JAK1: variants seen among roughly 807,000 people sequenced by gnomAD.
JAK1 encodes tyrosine-protein kinase JAK1.
JAK1 carries 16 observed loss-of-function variants against 136.6 expected under a neutral mutation model. That is an observed-to-expected ratio of 0.12 (90% CI 0.08 to 0.18). The LOEUF (loss-of-function observed/expected upper bound fraction) is 0.18. Among genes scored for constraint, JAK1 ranks in the 10% least tolerant of loss-of-function variants. The pLI is 1.00. For synonymous variants in JAK1, 492 were observed against 519.5 expected, an observed-to-expected ratio of 0.95 and a Z score of 0.72; for missense variants, 859 against 1,450.1, an observed-to-expected ratio of 0.59 and a Z score of 6.62.
intron 1 of JAK1, among the ~76,000 whole-genome samples, chr1:65,059,707 C>G (rs561213409): frequency 2.0e-5 from 3 of 152,272 alleles, no homozygotes; most frequent in Admixed American, 1.3e-4. Context: ...CTTATTAAAA[C>G]CATGATTCAC....
At chr1:65,045,219 C>T (rs556252822) in intron 1 of JAK1, among the ~76,000 whole-genome samples, 57 of 152,324 alleles carry the variant, frequency 3.7e-4, no homozygotes, top group Middle Eastern at 3.4e-3. Context: ...ATAACTGCAG[C>T]GGACTTCTTA....
chr1:64,852,105 T>C (rs992848098), intron 11 of JAK1, among the ~76,000 whole-genome samples: 3 of 152,238 alleles, frequency 2.0e-5, no homozygotes, highest in African/African-American at 4.8e-5. Context: ...CCTTTCTAAT[T>C]TTTTAAGCTC....
chr1:65,020,225 C>CAA (rs375362876), intron 2 of JAK1, among the ~76,000 whole-genome samples: 1,957 of 47,670 alleles, frequency 0.041, 48 homozygotes, highest in Non-Finnish European at 0.067. Flanking sequence ...AACTCCGTCT[C>CAA]AAAAAAAAAA....
chr1:64,907,343 A>C (rs1645206728), intron 1 of JAK1, among the ~76,000 whole-genome samples: 1 of 152,230 alleles, frequency 6.6e-6, no homozygotes, highest in Non-Finnish European at 1.5e-5. Context: ...AGAGAGAATA[A>C]CATTGTTCTA....
In JAK1 at chr1:64,873,302, G is replaced by C. The variant is rs530680900; in HGVS notation, c.483+68C>G. Reference sequence around the variant, plus strand: ...CACCACCAAGTTCAGCTGCAGCAGGGGGTCTGAGCTCTACAATGCCTCTCC... The same window carrying C: ...CACCACCAAGTTCAGCTGCAGCAGGCGGTCTGAGCTCTACAATGCCTCTCC... On this transcript the variant is annotated intron_variant, in intron 5 of 24. Coordinates refer to ENST00000342505, the MANE Select transcript of JAK1 (RefSeq NM_002227.4). 7.0e-6 allele frequency: 11 copies of C among 1,575,820 alleles called. No individual in the cohort carries two copies. In the East Asian group the frequency reaches 2.2e-4, roughly 32 times the overall value.
rs1004358455 is a variant in JAK1 at position 64,855,632 on chromosome 1, G to C, written c.1525C>G (p.Leu509Val). ...GGGAAGCTGCGGTCCGAACCGTGCA[G>C]ACTGTAGCGGCCCTTCTGCACCTCG... is the stretch of plus-strand genomic sequence containing the variant. ...QIEVQKGRYS[L>V]HGSDRSFPSL... The change falls in exon 11 of 25, where the codon CTG becomes GTG. Residue 509 changes from leucine (L) to valine (V), a missense_variant. Physicochemically the swap from Leu to Val is conservative, Grantham distance 32. This residue lies in a region of JAK1 where 409 missense variants were observed against 753.8 expected (regional missense o/e 0.54). Coordinates refer to ENST00000342505, the MANE Select transcript of JAK1 (RefSeq NM_002227.4). 6.2e-7 allele frequency: 1 copy of C among 1,614,164 alleles called. No homozygotes were observed. The highest frequency in any genetic ancestry group is 8.5e-7 in the Non-Finnish European group (1 of 1,180,026).
chr1:65,022,240 A>C (rs145638239), intron 2 of JAK1, among the ~76,000 whole-genome samples: 1,656 of 152,330 alleles, frequency 0.011, 22 homozygotes, highest in African/African-American at 0.037. Flanking sequence ...GATATTGGAA[A>C]ATAACATTTT....
At position 64,844,630 on chromosome 1, in the gene JAK1, G is replaced by A. The variant is rs938934729; in HGVS notation, c.2251+124C>T. 35 of 1,127,430 alleles carry A rather than the reference G, an allele frequency of 3.1e-5. No homozygotes were observed. The highest frequency in any genetic ancestry group is 1.3e-4 in the South Asian group (9 of 69,158). 69.8% of individuals were successfully genotyped at this position (1,127,430 alleles called of 1,614,324 possible). Reference sequence around the variant, plus strand: ...ATCCTGGCCAACATGGTGAAACCCCGTCTCTACTAAAATACAAAAAAAAAA... The same window carrying A: ...ATCCTGGCCAACATGGTGAAACCCCATCTCTACTAAAATACAAAAAAAAAA... On this transcript the variant is annotated intron_variant, in intron 16 of 24. Transcript: ENST00000342505. The surrounding 1 kb of genome is among the most constrained non-coding windows in gnomAD (Gnocchi z 5.7).
rs372849723 is a variant in JAK1 at position 64,850,923 on chromosome 1, T to G, written c.1649-13A>C. The G allele has an allele frequency of 3.2e-6, 5 of 1,578,582 alleles. No homozygotes were observed. The highest frequency in any genetic ancestry group is 4.4e-6 in the Non-Finnish European group (5 of 1,147,796). On this transcript the variant is annotated splice_polypyrimidine_tract_variant and intron_variant, in intron 11 of 24. Coordinates refer to ENST00000342505, the MANE Select transcript of JAK1 (RefSeq NM_002227.4). Reference sequence around the variant, plus strand: ...AGGTTGGAGATTTCTGTGGAAGAGATTGGGGGAGTCTGAGCACAGCACCCA... The same window carrying G: ...AGGTTGGAGATTTCTGTGGAAGAGAGTGGGGGAGTCTGAGCACAGCACCCA...
intron 2 of JAK1, among the ~76,000 whole-genome samples, chr1:65,017,259 A>G (rs1280041221): frequency 6.6e-6 from 1 of 152,178 alleles, no homozygotes; most frequent in Non-Finnish European, 1.5e-5. Flanking sequence ...ACCTGAGCTC[A>G]GGAGTTTGAG....
chr1:64,868,196 AAAC>A (rs1656829013), intron 6 of JAK1, among the ~76,000 whole-genome samples: 1 of 152,222 alleles, frequency 6.6e-6, no homozygotes, highest in African/African-American at 2.4e-5. Context: ...AACAGAATCT[AAAC>A]AAGCTGATAT....
At chr1:64,957,313 A>C (rs569358218) in intron 1 of JAK1, among the ~76,000 whole-genome samples, 1 of 152,210 alleles carries the variant, frequency 6.6e-6, no homozygotes, top group East Asian at 1.9e-4. Flanking sequence ...CTAATGCATT[A>C]TAAGGCCCAA....
At chr1:64,956,799 C>A (rs1216868331) in intron 1 of JAK1, among the ~76,000 whole-genome samples, 1 of 152,168 alleles carries the variant, frequency 6.6e-6, no homozygotes, top group African/African-American at 2.4e-5. Context: ...GGGTCATCTG[C>A]ACAGTTTTCG....
At chr1:64,884,591 C>T (rs1570704386) in intron 2 of JAK1, among the ~76,000 whole-genome samples, 1 of 152,198 alleles carries the variant, frequency 6.6e-6, no homozygotes, top group African/African-American at 2.4e-5. Context: ...TTGAAACCCA[C>T]AAGGCTGTCA....
rs1656426364 is a variant in JAK1, at chr1:64,862,697, C to T, written c.1176+2090G>A. On this transcript the variant is annotated intron_variant, in intron 8 of 24. Coordinates refer to ENST00000342505, the MANE Select transcript of JAK1 (RefSeq NM_002227.4). ...CATAAAATGTGCACCAGGCATACAC[C>T]ACGTTGAAGAGCCAGATCATGGACA... Among the ~76,000 whole-genome samples the T allele has an allele frequency of 2.6e-5, 4 of 152,328 alleles. 1 individual carries two copies. In the South Asian group the frequency reaches 8.3e-4, roughly 32 times the overall value.
At chr1:64,947,687 C>A (rs976110316) in intron 1 of JAK1, among the ~76,000 whole-genome samples, 1 of 151,082 alleles carries the variant, frequency 6.6e-6, no homozygotes, top group East Asian at 1.9e-4. Flanking sequence ...TTTCACTGAA[C>A]AACAGGTCCC....
At chr1:64,839,325 A>G (rs376336213) in intron 20 of JAK1, among the ~76,000 whole-genome samples, 69 of 152,326 alleles carry the variant, frequency 4.5e-4, no homozygotes, top group African/African-American at 1.6e-3. Context: ...GGGTGGAGGT[A>G]GAGTAGGAAT....
rs199914339 is a variant in JAK1, at chr1:64,873,488, T to C, written c.365A>G (p.Asn122Ser). Residue 122 changes from asparagine (N) to serine (S), a missense_variant, in exon 5 of 25, where the codon AAT becomes AGT. By Grantham distance (46) the Asn-to-Ser change is conservative. Transcript: ENST00000342505. The part of the protein sequence containing the change: ...YFTNWHGTND[N>S]EQSVWRHSPK... ...AGAATGACGCCACACTGACTGCTCA[T>C]TGTCGTTGGTTCCATGCCAATTGGT... 8 of 1,614,188 alleles carry C rather than the reference T, an allele frequency of 5.0e-6. No homozygotes were observed. Among genetic ancestry groups the C allele is most frequent in the African/African-American group, 4.0e-5 (3 of 75,048 alleles).
Position 64,988,962 on chromosome 1 carries a change from GTATGTA to G in JAK1, c.-78+55512_-78+55517del, listed in dbSNP as rs1204776814. On this transcript the variant is annotated intron_variant, in intron 2 of 25. Coordinates refer to the JAK1 transcript ENST00000671954. ...TATATGTATGTGTATATATATGTATGTATGTATATATATATGTATATGTGTGTGTGT... is the reference window on the plus strand; with the variant it reads ...TATATGTATGTGTATATATATGTATGTATATATATGTATATGTGTGTGTGT... 2.2e-3 allele frequency among the ~76,000 whole-genome samples: 305 copies of G among 139,814 alleles called. 3 individuals are homozygous for G. Among genetic ancestry groups the G allele is most frequent in the African/African-American group, 7.4e-3 (281 of 38,116 alleles). 91.7% of individuals were successfully genotyped at this position (139,814 alleles called of 152,430 possible).
Sources: gnomAD v4.1 joint callset for allele counts (sites outside exome capture counted in the v4.1 genomes callset) on GRCh38, gnomAD v4.1.1 for gene constraint, gnomAD v4.1.1 regional missense constraint, Gnocchi (gnomAD v3.1) non-coding constraint, MANE v1.5 for transcripts, NCBI Gene and HGNC (gene_info 2026-07-23, HGNC 2026-07-21) for gene names.